The following MGAT4C variants were observed in gnomAD, a reference collection of about 807,000 sequenced individuals.
MGAT4C encodes the protein MGAT4 family member C.
Under a neutral mutation model 40.1 loss-of-function variants are expected in MGAT4C, and 19 were observed. The ratio of observed to expected loss-of-function variants is 0.47; its 90% confidence interval spans 0.33 to 0.70. The LOEUF is 0.70. MGAT4C is among the 30% of genes least tolerant of loss of function. MGAT4C has a pLI of 0.02. For synonymous variants in MGAT4C, 181 were observed against 187.1 expected (o/e 0.97, Z 0.27); for missense variants, 491 against 563.2 (o/e 0.87, Z 1.30).
chr12:86,539,299 T>C (rs1269803100), intron 2 of MGAT4C, among the ~76,000 whole-genome samples: 1 of 152,090 alleles, frequency 6.6e-6, no homozygotes, highest in Non-Finnish European at 1.5e-5. Context: ...CTTGCAATAG[T>C]TTGCTGAGAA....
At chr12:86,394,491 T>TTA (rs202171752) in intron 3 of MGAT4C, among the ~76,000 whole-genome samples, 5 of 134,646 alleles carry the variant, frequency 3.7e-5, no homozygotes, top group African/African-American at 9.0e-5. Context: ...TATATATACT[T>TTA]TATATATATA....
At chr12:86,110,300 C>CTATATATATATAGTCTATATA (rs1877107081) in intron 1 of MGAT4C, among the ~76,000 whole-genome samples, 3 of 12,216 alleles carry the variant, frequency 2.5e-4, no homozygotes, top group Non-Finnish European at 4.0e-4. Flanking sequence ...TATAGTCTCT[C>CTATATATATATAGTCTATATA]TATATATATA....
intron 2 of MGAT4C, among the ~76,000 whole-genome samples, chr12:86,512,005 G>A (rs1016750366): frequency 4.6e-5 from 7 of 151,820 alleles, no homozygotes; most frequent in Non-Finnish European, 1.0e-4. Context: ...TCTGATAAAG[G>A]ATTTATATTC....
chr12:86,059,837 C>T (rs1045889344), intron 1 of MGAT4C, among the ~76,000 whole-genome samples: 1 of 152,176 alleles, frequency 6.6e-6, no homozygotes, highest in African/African-American at 2.4e-5. Flanking sequence ...AAGACTCTAA[C>T]ACCGTGTAAG....
intron 1 of MGAT4C, among the ~76,000 whole-genome samples, chr12:86,205,216 T>A (rs1199088198): frequency 6.6e-6 from 1 of 151,890 alleles, no homozygotes; most frequent in Admixed American, 6.6e-5. Context: ...TATGAAATCT[T>A]GAGATAGTAG....
intron 3 of MGAT4C, among the ~76,000 whole-genome samples, chr12:86,351,099 G>A (rs913669031): frequency 6.6e-6 from 1 of 151,710 alleles, no homozygotes; most frequent in Non-Finnish European, 1.5e-5. Context: ...CAGTAAATAA[G>A]ATGTACTTCA....
chr12:86,095,262 G>A (rs939062019), intron 1 of MGAT4C, among the ~76,000 whole-genome samples: 6 of 151,872 alleles, frequency 4.0e-5, no homozygotes, highest in African/African-American at 1.4e-4. Flanking sequence ...AAAGAATGAG[G>A]AAAAATGCCC....
chr12:86,366,550 C>A (rs1057231953), intron 3 of MGAT4C, among the ~76,000 whole-genome samples: 1 of 152,116 alleles, frequency 6.6e-6, no homozygotes, highest in Non-Finnish European at 1.5e-5. Flanking sequence ...ATGGCAACAA[C>A]AGACACTGGG....
chr12:86,464,983 T>C (rs918771813), intron 2 of MGAT4C, among the ~76,000 whole-genome samples: 2 of 152,108 alleles, frequency 1.3e-5, no homozygotes, highest in African/African-American at 4.8e-5. Flanking sequence ...TTAGTAGAAG[T>C]GCTACTAGCC....
At chr12:86,119,140 A>G (rs1323559059) in intron 1 of MGAT4C, among the ~76,000 whole-genome samples, 2 of 152,114 alleles carry the variant, frequency 1.3e-5, no homozygotes, top group South Asian at 2.1e-4. Flanking sequence ...AACAAGATTT[A>G]AAGTATTAAA....
chr12:86,249,531 C>A lies in MGAT4C; in HGVS notation c.-57+6708G>T, dbSNP rs569390210. Reference sequence around the variant, plus strand: ...ACCACAGTGATCCATCTCATCACAGCCCTTCTAGAGTATTTAAAATTTGAA... The same window carrying A: ...ACCACAGTGATCCATCTCATCACAGACCTTCTAGAGTATTTAAAATTTGAA... On this transcript the variant is annotated intron_variant, in intron 1 of 4. Transcript: ENST00000611864. Among the ~76,000 whole-genome samples, 168 of 152,206 alleles carry A rather than the reference C, an allele frequency of 1.1e-3. 1 individual carries two copies. Among genetic ancestry groups the A allele is most frequent in the African/African-American group, 3.8e-3 (157 of 41,544 alleles).
intron 2 of MGAT4C, among the ~76,000 whole-genome samples, chr12:86,639,818 A>T (rs1393270905): frequency 6.6e-6 from 1 of 151,722 alleles, no homozygotes; most frequent in Non-Finnish European, 1.5e-5. Context: ...TCAACAACTC[A>T]AACCTCCCAA....
At chr12:86,193,359 ACTT>A (rs1889737806) in intron 1 of MGAT4C, among the ~76,000 whole-genome samples, 1 of 151,738 alleles carries the variant, frequency 6.6e-6, no homozygotes, top group African/African-American at 2.4e-5. Flanking sequence ...GGACCATAGA[ACTT>A]CTCTCCTCAC....
intron 2 of MGAT4C, among the ~76,000 whole-genome samples, chr12:86,688,684 C>G (rs1950119360): frequency 6.6e-6 from 1 of 152,160 alleles, no homozygotes; most frequent in Non-Finnish European, 1.5e-5. Context: ...CCACTCTCTT[C>G]TAGCTTGCAG....
chr12:86,135,080 A>G (rs1415182390), intron 1 of MGAT4C, among the ~76,000 whole-genome samples: 1 of 152,112 alleles, frequency 6.6e-6, no homozygotes, highest in South Asian at 2.1e-4. Context: ...TACCTGTTTT[A>G]TTTCTTTTAT....
intron 2 of MGAT4C, among the ~76,000 whole-genome samples, chr12:86,603,518 C>CTATATAA (rs1466301398): frequency 0.032 from 682 of 21,514 alleles, 87 homozygotes; most frequent in Middle Eastern, 0.083. Flanking sequence ...AGTCTATAGT[C>CTATATAA]TATAGACTAT....
rs552525852 is a variant in MGAT4C at position 86,523,140 on chromosome 12, T to C, written c.-228-87875A>G. On this transcript the variant is annotated intron_variant, in intron 2 of 7. Coordinates refer to the MGAT4C transcript ENST00000548651. ...CGGTATTTATTGTCTTCTAGTTTTG[T>C]GTGTGATGTTGTGTGTTGTGCTTTG... Among the ~76,000 whole-genome samples, 385 of 152,090 alleles carry C rather than the reference T, an allele frequency of 2.5e-3. 3 individuals carry two copies. Among genetic ancestry groups the C allele is most frequent in the Non-Finnish European group, 3.8e-3 (256 of 67,938 alleles).
intron 1 of MGAT4C, among the ~76,000 whole-genome samples, chr12:86,195,450 A>C (rs1181189884): frequency 6.6e-6 from 1 of 152,216 alleles, no homozygotes; most frequent in African/African-American, 2.4e-5. Flanking sequence ...AAAATATGAA[A>C]TAAACTCTTT....
intron 2 of MGAT4C, among the ~76,000 whole-genome samples, chr12:86,477,998 A>G (rs1427591066): frequency 1.3e-5 from 2 of 152,040 alleles, no homozygotes; most frequent in Non-Finnish European, 1.5e-5. Flanking sequence ...CATATTTTCT[A>G]CTTTACTTCC....
Sources: gnomAD v4.1 joint callset for allele counts (sites outside exome capture counted in the v4.1 genomes callset) on GRCh38, gnomAD v4.1.1 for gene constraint, MANE v1.5 for transcripts, NCBI Gene and HGNC (gene_info 2026-07-23, HGNC 2026-07-21) for gene names.